AXDND1: variants seen among roughly 807,000 people sequenced by gnomAD.
The protein encoded by AXDND1 is axonemal dynein light chain domain containing 1.
A neutral mutation model predicts 137.5 loss-of-function variants in AXDND1; 110 were observed. That is an observed-to-expected ratio of 0.80 (90% CI 0.69 to 0.94). The LOEUF is 0.94. AXDND1 is among the 40% of genes least tolerant of loss of function. The pLI, the probability that AXDND1 is intolerant of heterozygous loss-of-function variation, is 0.00. For missense variants in AXDND1, 1,191 were observed against 1,169.8 expected (o/e 1.02, Z -0.26); for synonymous variants, 414 against 399.7 (o/e 1.04, Z -0.43).
At chr1:179,414,692 T>C (rs1167862812) in intron 12 of AXDND1, among the ~76,000 whole-genome samples, 1 of 152,172 alleles carries the variant, frequency 6.6e-6, no homozygotes, top group Non-Finnish European at 1.5e-5. Context: ...GCCAAAGTGC[T>C]GGGATTACAA....
In AXDND1 at chr1:179,368,880, C is replaced by A; in HGVS notation, c.178C>A (p.Pro60Thr). The A allele has an allele frequency of 6.2e-7, 1 of 1,613,500 alleles. No individual in the cohort carries two copies. The highest frequency in any genetic ancestry group is 8.5e-7 in the Non-Finnish European group (1 of 1,179,462). The part of the protein sequence containing the change: ...LPTSLQNEFI[P>T]KEVLLSLTYA... Reference sequence around the variant, plus strand: ...TACTTCCCTTCAGAATGAGTTCATTCCCAAAGAAGTTCTTCTTTCTCTGAC... The same window carrying A: ...TACTTCCCTTCAGAATGAGTTCATTACCAAAGAAGTTCTTCTTTCTCTGAC... Residue 60 changes from proline (P) to threonine (T), a missense_variant, in exon 3 of 26, where the codon CCC becomes ACC. Physicochemically the swap from Pro to Thr is conservative, Grantham distance 38 (BLOSUM62 -1). Transcript: ENST00000367618.
At chr1:179,463,194 C>T (rs1054398847) in intron 16 of AXDND1, among the ~76,000 whole-genome samples, 2 of 152,152 alleles carry the variant, frequency 1.3e-5, no homozygotes, top group African/African-American at 4.8e-5. Context: ...TTCTCTAGTT[C>T]TTTTAATTGT....
intron 11 of AXDND1, among the ~76,000 whole-genome samples, chr1:179,395,724 T>G (rs1471762504): frequency 6.6e-6 from 1 of 152,230 alleles, no homozygotes; most frequent in Non-Finnish European, 1.5e-5. Context: ...TTGCTTTTAA[T>G]GAAATTTTAT....
chr1:179,494,034 C>T (rs923889079), intron 20 of AXDND1, among the ~76,000 whole-genome samples: 2 of 152,090 alleles, frequency 1.3e-5, no homozygotes, highest in Non-Finnish European at 2.9e-5. Flanking sequence ...TCACTGCAAC[C>T]TCTGCTTCCT....
At chr1:179,511,466 T>A (rs193205576) in intron 21 of AXDND1, among the ~76,000 whole-genome samples, 1 of 151,676 alleles carries the variant, frequency 6.6e-6, no homozygotes, top group African/African-American at 2.4e-5. Context: ...TGTTGATTGA[T>A]GGGCATTTGG....
At chr1:179,488,014 A>AAAAAAAAAG (rs1320560418) in intron 18 of AXDND1, among the ~76,000 whole-genome samples, 11 of 130,222 alleles carry the variant, frequency 8.4e-5, no homozygotes, top group Non-Finnish European at 9.7e-5. Context: ...AAAAAAAAAA[A>AAAAAAAAAG]AGAGAAATTT....
chr1:179,408,841 G>C (rs1423524027), intron 11 of AXDND1, among the ~76,000 whole-genome samples: 1 of 151,996 alleles, frequency 6.6e-6, no homozygotes, highest in African/African-American at 2.4e-5. Flanking sequence ...AGAGTGCCTG[G>C]TGCCTGGGTA....
intron 6 of AXDND1, 113 bp from the exon 7 acceptor site, chr1:179,382,586 CT>C: frequency 1.5e-6 from 1 of 684,998 alleles, no homozygotes; most frequent in Non-Finnish European, 2.5e-6. Context: ...GTACTCATTC[CT>C]TTTAGTGGAG....
intron 20 of AXDND1, among the ~76,000 whole-genome samples, chr1:179,508,676 C>T (rs1668753885): frequency 6.6e-6 from 1 of 151,810 alleles, no homozygotes. Flanking sequence ...AAAAGTGTCT[C>T]AAATCTTGAT....
rs1654862221 is a variant in AXDND1 at position 179,417,328 on chromosome 1, C to T, written c.1230+6062C>T. 2.0e-5 allele frequency among the ~76,000 whole-genome samples: 3 copies of T among 151,934 alleles called. No homozygotes were observed. In the South Asian group the frequency reaches 6.2e-4, roughly 32 times the overall value. On this transcript the variant is annotated intron_variant, in intron 12 of 25. Coordinates refer to ENST00000367618, the MANE Select transcript of AXDND1 (RefSeq NM_144696.6). ...TCACTTTGTTGATTGTTTCCTTTAC[C>T]ATGCAGAAGGTTTGTAGCTTGATGT... is the stretch of plus-strand genomic sequence containing the variant.
At chr1:179,423,478 T>C (rs1166922244) in intron 12 of AXDND1, among the ~76,000 whole-genome samples, 1 of 152,190 alleles carries the variant, frequency 6.6e-6, no homozygotes, top group Non-Finnish European at 1.5e-5. Flanking sequence ...TCCATTTTGT[T>C]GCTTTTTATC....
Position 179,405,340 on chromosome 1 carries a change from G to C in AXDND1, c.1110-5806G>C, listed in dbSNP as rs143934469. 3.6e-3 allele frequency among the ~76,000 whole-genome samples: 546 copies of C among 152,236 alleles called. 2 individuals are homozygous for C. Among genetic ancestry groups the C allele is most frequent in the African/African-American group, 0.012 (511 of 41,552 alleles). On this transcript the variant is annotated intron_variant, in intron 11 of 25. Transcript: ENST00000367618. ...CTATCATTGATGGACATTTGGGTTG[G>C]TTCCAAATCTTTGCTATTGTAAATA... is the stretch of plus-strand genomic sequence containing the variant.
intron 15 of AXDND1, among the ~76,000 whole-genome samples, chr1:179,443,795 T>C (rs1267121999): frequency 2.0e-5 from 3 of 152,080 alleles, no homozygotes; most frequent in African/African-American, 4.8e-5. Flanking sequence ...TGTTTATACA[T>C]TAATAACATA....
rs76488947 is a variant in AXDND1, at chr1:179,531,548, C to A, written c.2716-2247C>A. On this transcript the variant is annotated intron_variant, in intron 23 of 25. Coordinates refer to ENST00000367618, the MANE Select transcript of AXDND1 (RefSeq NM_144696.6). ...CATCATAATTTTGCAAAAGTGGCTT[C>A]AATCACCAGGTGCTCAAACAGAAGG... 5.9e-5 allele frequency among the ~76,000 whole-genome samples: 9 copies of A among 152,204 alleles called. No homozygotes were observed. The East Asian group carries it at 1.7e-3, about 30-fold the overall frequency.
At chr1:179,366,668 A>G in intron 2 of AXDND1, 62 bp downstream of exon 2, 2 of 1,401,650 alleles carry the variant, frequency 1.4e-6, no homozygotes, top group East Asian at 2.3e-5. Context: ...ATCACCTTCC[A>G]TTCACCGGTT....
chr1:179,370,553 T>G (rs1025653953), intron 4 of AXDND1, among the ~76,000 whole-genome samples: 2 of 152,262 alleles, frequency 1.3e-5, no homozygotes, highest in African/African-American at 2.4e-5. Flanking sequence ...ATCTTTACAC[T>G]GTTTCAGATC....
At chr1:179,435,186 TAA>T (rs1252275273) in intron 15 of AXDND1, among the ~76,000 whole-genome samples, 3 of 151,866 alleles carry the variant, frequency 2.0e-5, no homozygotes, top group Admixed American at 1.3e-4. Flanking sequence ...CTCAAGGAAA[TAA>T]GAGAGAACTG....
chr1:179,375,010 T>C (rs903254355), intron 4 of AXDND1, among the ~76,000 whole-genome samples: 3 of 151,740 alleles, frequency 2.0e-5, no homozygotes, highest in African/African-American at 7.3e-5. Context: ...AAATTATTTT[T>C]AAAAATTAAA....
At chr1:179,496,767 G>A (rs1185036268) in intron 20 of AXDND1, among the ~76,000 whole-genome samples, 1 of 151,738 alleles carries the variant, frequency 6.6e-6, no homozygotes. Flanking sequence ...TTCATTTTCT[G>A]GTTTCTTAAA....
Sources: allele counts gnomAD v4.1 joint callset (sites outside exome capture counted in the v4.1 genomes callset), GRCh38; gene constraint gnomAD v4.1.1; transcripts MANE v1.5; gene names NCBI Gene and HGNC (gene_info 2026-07-23, HGNC 2026-07-21).